SGCD: variants seen among roughly 807,000 people sequenced by gnomAD.
SGCD encodes sarcoglycan delta.
SGCD carries 18 observed loss-of-function variants against 36.6 expected under a neutral mutation model. The ratio of observed to expected loss-of-function variants is 0.49; its 90% CI spans 0.34 to 0.73. The LOEUF is 0.73. SGCD is among the 30% of genes least tolerant of loss of function. SGCD has a pLI of 0.01. For missense variants in SGCD, 387 were observed against 346.7 expected (o/e 1.12, Z -0.92); for synonymous variants, 133 against 130.6 (o/e 1.02, Z -0.12).
At chr5:156,757,757 C>T in intron 8 of SGCD, 53 bp downstream of exon 8, 2 of 1,572,956 alleles carry the variant, frequency 1.3e-6, no homozygotes, top group Non-Finnish European at 1.7e-6. Context: ...AACAGGCCAA[C>T]CCTTCCCATA....
chr5:156,101,703 T>C (rs1189195867), intron 1 of SGCD, among the ~76,000 whole-genome samples: 3 of 152,168 alleles, frequency 2.0e-5, no homozygotes, highest in Non-Finnish European at 4.4e-5. Flanking sequence ...ATATTTACTA[T>C]AAGACACTGT....
chr5:156,731,588 T>C (rs1237160447), intron 7 of SGCD, among the ~76,000 whole-genome samples: 1 of 150,268 alleles, frequency 6.7e-6, no homozygotes, highest in Non-Finnish European at 1.5e-5. Context: ...TTTTGTTCCA[T>C]TGGTCTGTGT....
At chr5:155,884,769 G>T (rs938537824) in intron 1 of SGCD, among the ~76,000 whole-genome samples, 2 of 119,800 alleles carry the variant, frequency 1.7e-5, no homozygotes, top group Non-Finnish European at 3.3e-5. Context: ...GTGAACCTCA[G>T]TTCTTAATCT....
intron 6 of SGCD, among the ~76,000 whole-genome samples, chr5:156,643,683 T>G (rs80348306): frequency 0.015 from 2,327 of 152,234 alleles, 27 homozygotes; most frequent in Non-Finnish European, 0.024. Context: ...TATTTGGGTG[T>G]TTCAAGAAAC....
intron 1 of SGCD, among the ~76,000 whole-genome samples, chr5:155,877,828 T>C (rs1310512051): frequency 6.6e-6 from 1 of 152,088 alleles, no homozygotes; most frequent in East Asian, 1.9e-4. Context: ...GCAAGACTTA[T>C]CAGAGCCTTC....
At chr5:155,746,881 A>T in the SGCD span, among the ~76,000 whole-genome samples, 1 of 152,172 alleles carries the variant, frequency 6.6e-6, no homozygotes, top group Non-Finnish European at 1.5e-5. Context: ...AGCTGGCCAC[A>T]TTCTGACAGG....
chr5:156,493,253 T>G (rs1404562679), intron 3 of SGCD, among the ~76,000 whole-genome samples: 2 of 152,140 alleles, frequency 1.3e-5, no homozygotes, highest in African/African-American at 2.4e-5. Flanking sequence ...GTTTTAAGGG[T>G]GAGAACACTT....
At chr5:156,278,187 G>A (rs1451317127) in intron 3 of SGCD, among the ~76,000 whole-genome samples, 1 of 152,150 alleles carries the variant, frequency 6.6e-6, no homozygotes, top group East Asian at 1.9e-4. Context: ...AGTGGGACTG[G>A]TATATAGTGA....
chr5:156,224,161 A>G (rs1385325459), intron 3 of SGCD, among the ~76,000 whole-genome samples: 1 of 151,974 alleles, frequency 6.6e-6, no homozygotes, highest in African/African-American at 2.4e-5. Flanking sequence ...TAATCTATAG[A>G]TGGCAACATT....
chr5:155,942,172 T>C (rs1012536124), intron 1 of SGCD, among the ~76,000 whole-genome samples: 1 of 152,198 alleles, frequency 6.6e-6, no homozygotes, highest in African/African-American at 2.4e-5. Flanking sequence ...TATGTGAAGA[T>C]AATGGAGACT....
chr5:155,998,820 CA>C lies in SGCD; in HGVS notation c.-281-119057del, dbSNP rs1246299888. Reference sequence around the variant, plus strand: ...ACTTACCTGCTGGGTTCCCTAAAGACAGGACATACAATGGAAGGTGGCTGGG... The same window carrying C: ...ACTTACCTGCTGGGTTCCCTAAAGACGGACATACAATGGAAGGTGGCTGGG... On this transcript the variant is annotated intron_variant, in intron 1 of 9. Transcript: ENST00000517913. Among the ~76,000 whole-genome samples, 3 of 152,306 alleles carry C rather than the reference CA, an allele frequency of 2.0e-5. No individual in the cohort carries two copies. The East Asian group carries it at 5.8e-4, about 29-fold the overall frequency.
chr5:156,106,423 C>T (rs1472424077), intron 1 of SGCD, among the ~76,000 whole-genome samples: 1 of 152,116 alleles, frequency 6.6e-6, no homozygotes, highest in Non-Finnish European at 1.5e-5. Context: ...CTTGTTTCTC[C>T]CTGAGATGTG....
At chr5:156,497,199 C>T (rs1268400189) in intron 3 of SGCD, among the ~76,000 whole-genome samples, 3 of 116,122 alleles carry the variant, frequency 2.6e-5, no homozygotes, top group African/African-American at 9.9e-5. Context: ...CTCTCTCTCT[C>T]TCTCTCTGCG....
chr5:155,849,035 G>GAGT, the SGCD span, among the ~76,000 whole-genome samples: 1 of 151,896 alleles, frequency 6.6e-6, no homozygotes, highest in East Asian at 1.9e-4. Flanking sequence ...TCCAGTAGTT[G>GAGT]AGTAGTCCTC....
chr5:155,831,884 C>G, the SGCD span, among the ~76,000 whole-genome samples: 1 of 152,190 alleles, frequency 6.6e-6, no homozygotes, highest in Non-Finnish European at 1.5e-5. Context: ...TTATAGAGAG[C>G]TGTCCCTCTT....
chr5:156,127,854 CAAAAAAA>C (rs56822746), intron 3 of SGCD, among the ~76,000 whole-genome samples: 2 of 18,446 alleles, frequency 1.1e-4, no homozygotes, highest in East Asian at 1.4e-3. Flanking sequence ...AACATAAATG[CAAAAAAA>C]AAAAAAAAAA....
At chr5:155,773,372 G>A in the SGCD span, among the ~76,000 whole-genome samples, 4 of 152,086 alleles carry the variant, frequency 2.6e-5, no homozygotes, top group Admixed American at 2.0e-4. Context: ...TAAAGACGGG[G>A]TCTCACTATA....
chr5:156,039,778 A>G (rs1561692277), intron 1 of SGCD, among the ~76,000 whole-genome samples: 1 of 152,186 alleles, frequency 6.6e-6, no homozygotes, highest in African/African-American at 2.4e-5. Flanking sequence ...GCATCGTGAA[A>G]GAGAAAGAGA....
chr5:156,623,127 C>T (rs912801079), intron 6 of SGCD, among the ~76,000 whole-genome samples: 1 of 151,916 alleles, frequency 6.6e-6, no homozygotes, highest in African/African-American at 2.4e-5. Flanking sequence ...TACACATGTA[C>T]ATTAGATAAA....
Sources: allele counts gnomAD v4.1 joint callset (sites outside exome capture counted in the v4.1 genomes callset), GRCh38; gene constraint gnomAD v4.1.1; transcripts MANE v1.5; gene names NCBI Gene and HGNC (gene_info 2026-07-23, HGNC 2026-07-21).